Variants in FRMPD4 observed in about 807,000 individuals in gnomAD.
FRMPD4 encodes the protein FERM and PDZ domain containing 4.
FRMPD4 carries 22 observed loss-of-function variants against 94.1 expected under a neutral mutation model. The ratio of observed to expected loss-of-function variants is 0.23; its 90% confidence interval spans 0.17 to 0.33. The LOEUF (loss-of-function observed/expected upper bound fraction) is 0.33. Ranked by LOEUF, FRMPD4 falls within the 10% of genes least tolerant of loss-of-function variation. The pLI is 1.00. For missense variants in FRMPD4, 1,111 were observed against 1,339.9 expected, an observed-to-expected ratio of 0.83 and a Z score of 2.67; for synonymous variants, 631 against 548.6, an observed-to-expected ratio of 1.15 and a Z score of -2.10.
intron 1 of FRMPD4, among the ~76,000 whole-genome samples, chrX:12,373,911 A>T: frequency 8.9e-6 from 1 of 112,136 alleles, no homozygotes; most frequent in Non-Finnish European, 1.9e-5. Context: ...TGCAAATGTC[A>T]GCTGGCAGTT....
At chrX:12,082,193 A>G (rs944733341) in intron 3 of FRMPD4, among the ~76,000 whole-genome samples, 3 of 111,819 alleles carry the variant, frequency 2.7e-5, no homozygotes, top group Non-Finnish European at 5.6e-5. Context: ...GTCATGACCC[A>G]AATCTCAACT....
intron 2 of FRMPD4, among the ~76,000 whole-genome samples, chrX:12,547,878 G>T (rs2058494801): frequency 8.9e-6 from 1 of 112,087 alleles, no homozygotes; most frequent in Admixed American, 9.5e-5. Context: ...GACATTTGGT[G>T]AAAGACTCTA....
intron 1 of FRMPD4, among the ~76,000 whole-genome samples, chrX:12,338,042 G>GA (rs2055554127): frequency 8.9e-6 from 1 of 112,263 alleles, no homozygotes; most frequent in Admixed American, 9.4e-5. Flanking sequence ...TTACATGGTG[G>GA]AATGGGGGGA....
chrX:12,695,228 G>C (rs776119489), intron 9 of FRMPD4, among the ~76,000 whole-genome samples: 5 of 111,483 alleles, frequency 4.5e-5, no homozygotes, highest in African/African-American at 1.6e-4. Flanking sequence ...GAGTGACTTT[G>C]TGTCCTCAGT....
chrX:11,953,612 G>C (rs1181638452), intron 3 of FRMPD4, among the ~76,000 whole-genome samples: 1 of 111,726 alleles, frequency 9.0e-6, no homozygotes, highest in African/African-American at 3.3e-5. Flanking sequence ...CCCACCAGAA[G>C]ATCTGCAAGC....
At chrX:12,301,573 A>G (rs1601796154) in intron 1 of FRMPD4, among the ~76,000 whole-genome samples, 1 of 112,043 alleles carries the variant, frequency 8.9e-6, no homozygotes, top group African/African-American at 3.2e-5. Flanking sequence ...CAGTCCTCCA[A>G]AAATCAGTGT....
chrX:12,364,773 G>T (rs1460533729), intron 1 of FRMPD4, among the ~76,000 whole-genome samples: 1 of 111,506 alleles, frequency 9.0e-6, no homozygotes, highest in Non-Finnish European at 1.9e-5. Context: ...TGCGCCCCCC[G>T]CCCTACCACC....
chrX:12,162,606 C>T (rs2056043822), intron 1 of FRMPD4, among the ~76,000 whole-genome samples: 1 of 111,871 alleles, frequency 8.9e-6, no homozygotes, highest in Admixed American at 9.5e-5. Context: ...CTGAGGACCA[C>T]AAGTGCCAGG....
intron 1 of FRMPD4, among the ~76,000 whole-genome samples, chrX:12,189,766 A>G (rs1270718188): frequency 8.9e-6 from 1 of 111,758 alleles, no homozygotes; most frequent in Non-Finnish European, 1.9e-5. Flanking sequence ...AAAAACGTAC[A>G]GCTAACATAC....
intron 1 of FRMPD4, among the ~76,000 whole-genome samples, chrX:12,381,063 A>G (rs931834739): frequency 8.9e-6 from 1 of 111,980 alleles, no homozygotes; most frequent in Non-Finnish European, 1.9e-5. Context: ...CATATTCTAT[A>G]TAAACTTTAA....
At chrX:12,342,570 C>A (rs776438925) in intron 1 of FRMPD4, among the ~76,000 whole-genome samples, 1 of 111,733 alleles carries the variant, frequency 8.9e-6, no homozygotes, top group South Asian at 3.8e-4. Context: ...ATGACAAGCT[C>A]ACACTGGGAA....
chrX:11,945,453 C>A (rs1303684318), intron 3 of FRMPD4, among the ~76,000 whole-genome samples: 2 of 111,545 alleles, frequency 1.8e-5, no homozygotes, highest in African/African-American at 6.5e-5. Flanking sequence ...AAAAGAGATC[C>A]TAAAGCACAA....
intron 1 of FRMPD4, among the ~76,000 whole-genome samples, chrX:12,391,195 C>T (rs1167514279): frequency 1.2e-5 from 1 of 81,015 alleles, no homozygotes; most frequent in Admixed American, 1.4e-4. Flanking sequence ...CCACCCCCAT[C>T]TCCTTATTCA....
At chrX:12,274,988 A>G (rs1163104379) in intron 1 of FRMPD4, among the ~76,000 whole-genome samples, 3 of 112,222 alleles carry the variant, frequency 2.7e-5, no homozygotes, top group Admixed American at 9.4e-5. Flanking sequence ...CAGCCCGGGC[A>G]ACAGAGCGAG....
In FRMPD4 at chrX:12,711,746, T is replaced by C. The variant is rs765233227; in HGVS notation, c.1609+1209T>C. On this transcript the variant is annotated intron_variant, in intron 14 of 16. Transcript: ENST00000675598. ...TTTTACTGTTGCTTCTCTTTTTCTC[T>C]CCCTTCCCCCCAACCCTGCCCCCCG... Among the ~76,000 whole-genome samples the C allele has an allele frequency of 1.1e-4, 12 of 110,170 alleles. No individual in the cohort carries two copies. In the East Asian group the frequency reaches 3.4e-3, roughly 31 times the overall value.
intron 4 of FRMPD4, among the ~76,000 whole-genome samples, chrX:12,671,308 C>T (rs1439409179): frequency 8.9e-6 from 1 of 111,744 alleles, no homozygotes; most frequent in Non-Finnish European, 1.9e-5. Context: ...TGGCACCATT[C>T]ACAATACCAA....
Position 12,680,207 on chromosome X carries a change from A to C in FRMPD4, c.469-3276A>C, listed in dbSNP as rs140342181. Among the ~76,000 whole-genome samples, 12 of 112,188 alleles carry C rather than the reference A, an allele frequency of 1.1e-4. No individual in the cohort carries two copies. In the East Asian group the frequency reaches 3.3e-3, roughly 31 times the overall value. ...ATCTTAGCAACAGCAAATTTGGAAA[A>C]TGTACAGGGGTTGATTAGGGGCCTG... is the stretch of plus-strand genomic sequence containing the variant. On this transcript the variant is annotated intron_variant, in intron 5 of 16. Coordinates refer to ENST00000675598, the MANE Select transcript of FRMPD4 (RefSeq NM_001368397.1).
At chrX:12,320,330 G>A (rs1473907873) in intron 1 of FRMPD4, among the ~76,000 whole-genome samples, 2 of 111,116 alleles carry the variant, frequency 1.8e-5, no homozygotes, top group Non-Finnish European at 3.8e-5. Context: ...CACGCAGCAA[G>A]GTAGGGGCAA....
At chrX:12,714,425 A>G (rs889809746) in intron 14 of FRMPD4, among the ~76,000 whole-genome samples, 4 of 111,467 alleles carry the variant, frequency 3.6e-5, no homozygotes, top group Non-Finnish European at 5.7e-5. Flanking sequence ...CATTGAATTT[A>G]GGGCCCATAA....
Sources: gnomAD v4.1 joint callset for allele counts (sites outside exome capture counted in the v4.1 genomes callset) on GRCh38, gnomAD v4.1.1 for gene constraint, MANE v1.5 for transcripts, NCBI Gene and HGNC (gene_info 2026-07-23, HGNC 2026-07-21) for gene names.